The following PTPRU variants were observed in gnomAD, a reference collection of about 807,000 sequenced individuals.
The protein encoded by PTPRU is receptor-type tyrosine-protein phosphatase U.
In PTPRU, 69 loss-of-function variants were observed where a neutral mutation model predicts 166.3. That is an observed-to-expected ratio of 0.41 (90% CI 0.34 to 0.51). PTPRU has a LOEUF of 0.51. Ranked by LOEUF, PTPRU falls within the 20% of genes least tolerant of loss-of-function variation. The pLI, the probability that PTPRU is intolerant of heterozygous loss-of-function variation, is 0.09. For missense variants in PTPRU, 1,657 were observed against 2,013.7 expected, an observed-to-expected ratio of 0.82 and a Z score of 3.39; for synonymous variants, 793 against 814.0, an observed-to-expected ratio of 0.97 and a Z score of 0.44.
In PTPRU at chr1:29,260,180, T is replaced by C. The variant is rs887761864; in HGVS notation, c.850+136T>C. On this transcript the variant is annotated intron_variant, in intron 6 of 29. Transcript: ENST00000373779. This position sits in a 1 kb window ranked among gnomAD's most constrained non-coding sequence, Gnocchi z 8.3. ...GTGTCGCTGGGGCGCTATCTGAAGA[T>C]GGGCCTGTGGAAATGGCAGTGGCCC... 3 of 1,043,408 alleles carry C rather than the reference T, an allele frequency of 2.9e-6. No individual in the cohort carries two copies. The highest frequency in any genetic ancestry group is 4.7e-5 in the South Asian group (2 of 42,622). 64.6% of individuals were successfully genotyped at this position (1,043,408 alleles called of 1,614,324 possible).
intron 7 of PTPRU, among the ~76,000 whole-genome samples, chr1:29,272,923 A>G (rs1427769449): frequency 1.3e-5 from 2 of 150,712 alleles, no homozygotes; most frequent in East Asian, 1.9e-4. Flanking sequence ...AAAAAAAAAA[A>G]AAAAGAAAAA....
At chr1:29,258,393 T>G (rs1558553874) in intron 2 of PTPRU, 112 bp from the exon 3 acceptor site, 14 of 1,220,088 alleles carry the variant, frequency 1.1e-5, no homozygotes, top group Non-Finnish European at 1.6e-5. Flanking sequence ...TCAGAATCCC[T>G]GACTCCTGGT....
At chr1:29,304,676 A>G (rs1052768980) in intron 16 of PTPRU, 98 bp from the exon 17 acceptor site, 2 of 881,204 alleles carry the variant, frequency 2.3e-6, no homozygotes, top group East Asian at 2.8e-5. Context: ...GGCCCTTATC[A>G]TCCCACCCCC....
In PTPRU at chr1:29,312,648, A is replaced by C. The variant is rs1303045605; in HGVS notation, c.3169A>C (p.Ile1057Leu). ...CCATGCCACGGGGCTGCTGGCTTTC[A>C]TCCGGCGCGTGAAGGCCTCCACCCC... ...PYHATGLLAF[I>L]RRVKASTPPD... Residue 1057 changes from isoleucine to leucine, a missense_variant, in exon 22 of 30, where the codon ATC (isoleucine) becomes CTC (leucine). Around this residue, in one of 3 missense-constraint regions of PTPRU, gnomAD observed 1,190 missense variants for 1,477.4 expected, o/e 0.81. Transcript: ENST00000373779. 1.1e-5 allele frequency: 18 copies of C among 1,611,710 alleles called. No individual in the cohort carries two copies. The East Asian group carries it at 4.0e-4, about 36-fold the overall frequency.
chr1:29,300,176 AC>A (rs1259132518), intron 15 of PTPRU, among the ~76,000 whole-genome samples: 1 of 152,156 alleles, frequency 6.6e-6, no homozygotes, highest in African/African-American at 2.4e-5. Context: ...TAACATCCCC[AC>A]GGTCACATAC....
At chr1:29,261,362 T>G (rs1335210823) in intron 7 of PTPRU, among the ~76,000 whole-genome samples, 1 of 152,202 alleles carries the variant, frequency 6.6e-6, no homozygotes, top group Non-Finnish European at 1.5e-5. Context: ...TCTAGCTGGT[T>G]TCTCTTGTCT....
chr1:29,312,429 G>C (rs1687707023), intron 21 of PTPRU, 123 bp from the exon 22 acceptor site: 1 of 936,644 alleles, frequency 1.1e-6, no homozygotes, highest in Middle Eastern at 2.3e-4. Context: ...TCAGTAAATT[G>C]ATCATTGGGA....
chr1:29,315,695 G>A lies in PTPRU; in HGVS notation c.3363+188G>A, dbSNP rs1251755378. Among the ~76,000 whole-genome samples the A allele has an allele frequency of 1.3e-5, 2 of 152,190 alleles. No individual in the cohort carries two copies. The highest frequency in any genetic ancestry group is 2.9e-5 in the Non-Finnish European group (2 of 68,028). Reference sequence around the variant, plus strand: ...GAACTGCTCCCCTGTGTTCTGTTGGGTGGGGTCAGACAACCGGTCCTGTAG... The same window carrying A: ...GAACTGCTCCCCTGTGTTCTGTTGGATGGGGTCAGACAACCGGTCCTGTAG... On this transcript the variant is annotated intron_variant, in intron 23 of 29. Coordinates refer to ENST00000373779, the MANE Select transcript of PTPRU (RefSeq NM_133178.4). The surrounding 1 kb of genome is among the most constrained non-coding windows in gnomAD (Gnocchi z 4.5).
chr1:29,307,242 C>G, intron 18 of PTPRU: 1 of 1,453,864 alleles, frequency 6.9e-7, no homozygotes, highest in East Asian at 2.3e-5. Flanking sequence ...GGCTGTCTGT[C>G]TCTCTGTCTC....
chr1:29,315,478 T>A lies in PTPRU; in HGVS notation c.3334T>A (p.Ser1112Thr), dbSNP rs1376740569. Residue 1112 changes from serine to threonine, a missense_variant, in exon 23 of 30, where the codon TCC becomes ACC. Physicochemically the swap from Ser to Thr is moderately conservative, Grantham distance 58. This residue lies in a region of PTPRU where 1,190 missense variants were observed against 1,477.4 expected (regional missense o/e 0.81). Transcript: ENST00000373779. The surrounding 1 kb of genome is among the most constrained non-coding windows in gnomAD (Gnocchi z 4.5). ...DIYNCVKTLC[S>T]RRVNMIQTEE... is the part of the protein sequence containing the mutation. ...TTACAACTGTGTGAAGACTCTCTGC[T>A]CCCGGCGTGTCAACATGATCCAGAC... The A allele has an allele frequency of 6.2e-7, 1 of 1,614,052 alleles. No homozygotes were observed. The highest frequency in any genetic ancestry group is 1.3e-5 in the African/African-American group (1 of 74,982).
chr1:29,303,857 G>C lies in PTPRU; in HGVS notation c.2479G>C (p.Asp827His), dbSNP rs1687254421. 2 of 1,603,720 alleles carry C rather than the reference G, an allele frequency of 1.2e-6. No individual in the cohort carries two copies. The highest frequency in any genetic ancestry group is 1.7e-6 in the Non-Finnish European group (2 of 1,172,030). ...MDTHGYSTRG[D>H]QRSGGVTEAS... is the part of the protein sequence containing the mutation. ...CTTTTGTCTTTCTCTGACTGCAGGA[G>C]ACCAGCGCAGCGGTGGGGTCACTGA... is the stretch of plus-strand genomic sequence containing the variant. Residue 827 changes from aspartate to histidine, a missense_variant and splice_region_variant, in exon 16 of 30, where the codon GAC becomes CAC. Transcript: ENST00000373779.
In PTPRU at chr1:29,260,775, T is replaced by C; in HGVS notation, c.1016T>C (p.Leu339Pro). Reference sequence around the variant, plus strand: ...TGGGCTGAGGTGCACGCCGTCAGCCTGCAGACCTACAAGCTGTGGCACCTC... The same window carrying C: ...TGGGCTGAGGTGCACGCCGTCAGCCCGCAGACCTACAAGCTGTGGCACCTC... ...GPWAEVHAVS[L>P]QTYKLWHLDP... The change falls in exon 7 of 30, where the codon CTG becomes CCG. Residue 339 changes from leucine to proline, a missense_variant. Physicochemically the swap from Leu to Pro is moderately conservative, Grantham distance 98. Around this residue, in one of 3 missense-constraint regions of PTPRU, gnomAD observed 453 missense variants for 496.9 expected, o/e 0.91. Coordinates refer to ENST00000373779, the MANE Select transcript of PTPRU (RefSeq NM_133178.4). This position sits in a 1 kb window ranked among gnomAD's most constrained non-coding sequence, Gnocchi z 8.3. 1 of 1,613,538 alleles carries C rather than the reference T, an allele frequency of 6.2e-7. No individual in the cohort carries two copies. Among genetic ancestry groups the C allele is most frequent in the East Asian group, 2.2e-5 (1 of 44,816 alleles).
At position 29,326,489 on chromosome 1, in the gene PTPRU, G is replaced by A. The variant is rs768987858; in HGVS notation, c.*828G>A. 139 of 152,938 alleles carry A rather than the reference G, an allele frequency of 9.1e-4. 1 individual carries two copies. Among genetic ancestry groups the A allele is most frequent in the Non-Finnish European group, 1.8e-3 (125 of 68,172 alleles). The allele number at this position is 152,938 out of a possible 1,614,324, so 9.5% of individuals were successfully genotyped here. Reference sequence around the variant, plus strand: ...GCAAGGCTGAACAACAGCCCCTGGGGTTGAGGCCCCTGTGGCTCCTGGTCA... The same window carrying A: ...GCAAGGCTGAACAACAGCCCCTGGGATTGAGGCCCCTGTGGCTCCTGGTCA... On this transcript the variant is annotated 3_prime_UTR_variant, in exon 30 of 30. Coordinates refer to ENST00000373779, the MANE Select transcript of PTPRU (RefSeq NM_133178.4).
chr1:29,236,590 T>C lies in PTPRU; in HGVS notation c.-55T>C, dbSNP rs1289491525. On this transcript the variant is annotated 5_prime_UTR_variant, in exon 1 of 30. Coordinates refer to ENST00000373779, the MANE Select transcript of PTPRU (RefSeq NM_133178.4). The surrounding 1 kb of genome is among the most constrained non-coding windows in gnomAD (Gnocchi z 4.6). ...GGCTCGCCTCGGGCTGGGCTCGGGC[T>C]CCGGGGGCGGCGTCCCCCGCGCCGG... 31 of 1,187,074 alleles carry C rather than the reference T, an allele frequency of 2.6e-5. No homozygotes were observed. Among genetic ancestry groups the C allele is most frequent in the Non-Finnish European group, 2.9e-5 (28 of 956,642 alleles). 73.5% of individuals were successfully genotyped at this position (1,187,074 alleles called of 1,614,324 possible).
chr1:29,281,333 G>C (rs1686074955), intron 11 of PTPRU, among the ~76,000 whole-genome samples: 1 of 152,202 alleles, frequency 6.6e-6, no homozygotes, highest in African/African-American at 2.4e-5. Context: ...CCTTTTGCCT[G>C]TTGCTAGAGC....
chr1:29,319,311 A>G (rs1297026773), intron 25 of PTPRU, among the ~76,000 whole-genome samples: 1 of 150,788 alleles, frequency 6.6e-6, no homozygotes, highest in Non-Finnish European at 1.5e-5. Flanking sequence ...GGGCCTGGAA[A>G]GGAGACTGTC....
In PTPRU at chr1:29,310,464, G is replaced by A. The variant is rs12735793; in HGVS notation, c.2821-280G>A. Among the ~76,000 whole-genome samples the A allele has an allele frequency of 0.08, 12,208 of 152,168 alleles. 638 individuals are homozygous for A. Among genetic ancestry groups the A allele is most frequent in the Middle Eastern group, 0.18 (52 of 294 alleles). The stretch of plus-strand genomic sequence containing the variant: ...AGATGCCTCTCTCCACTTTATGGGT[G>A]GGGGGTCCCTCTAGGCACATAAAGG... On this transcript the variant is annotated intron_variant, in intron 18 of 29. Transcript: ENST00000373779.
chr1:29,259,600 T>TGGGGTTTTTTTGGGGGGGGGGGGGGGG, intron 5 of PTPRU, 36 bp downstream of exon 5: 1 of 253,670 alleles, frequency 3.9e-6, no homozygotes, highest in Non-Finnish European at 7.7e-6. Flanking sequence ...GGGGGCGGGG[T>TGGGGTTTTTTTGGGGGGGGGGGGGGGG]GGGAGGGGGT....
At position 29,275,586 on chromosome 1, in the gene PTPRU, G is replaced by T; in HGVS notation, c.1283G>T (p.Gly428Val). The T allele has an allele frequency of 6.2e-7, 1 of 1,614,158 alleles. No individual in the cohort carries two copies. The highest frequency in any genetic ancestry group is 1.3e-5 in the African/African-American group (1 of 75,024). The change falls in exon 8 of 30, where the codon GGC becomes GTC. Residue 428 changes from glycine to valine, a missense_variant. By Grantham distance (109) the Gly-to-Val change is moderately radical (BLOSUM62 -3). This residue lies in a region of PTPRU where 1,190 missense variants were observed against 1,477.4 expected (regional missense o/e 0.81). Coordinates refer to ENST00000373779, the MANE Select transcript of PTPRU (RefSeq NM_133178.4). ...TCGCTGTGCTATCACTACACCCTGG[G>T]CAGCAGCCACAACCAGACCATCCGA... ...TVSLCYHYTL[G>V]SSHNQTIREC...
Sources: gnomAD v4.1 joint callset for allele counts (sites outside exome capture counted in the v4.1 genomes callset) on GRCh38, gnomAD v4.1.1 for gene constraint, gnomAD v4.1.1 regional missense constraint, Gnocchi (gnomAD v3.1) non-coding constraint, MANE v1.5 for transcripts, NCBI Gene and HGNC (gene_info 2026-07-23, HGNC 2026-07-21) for gene names.